CEP290: variants seen among roughly 807,000 people sequenced by gnomAD.
CEP290 encodes the protein centrosomal protein of 290 kDa.
Under a neutral mutation model 344.9 loss-of-function variants are expected in CEP290, and 317 were observed. The ratio of observed to expected loss-of-function variants is 0.92; its 90% CI spans 0.84 to 1.01. The LOEUF is 1.01. Among genes scored for constraint, CEP290 ranks in the 50% least tolerant of loss-of-function variants. CEP290 has a pLI of 0.00. For synonymous variants in CEP290, 932 were observed against 895.8 expected, an observed-to-expected ratio of 1.04 and a Z score of -0.72; for missense variants, 2,754 against 2,761.4, an observed-to-expected ratio of 1.00 and a Z score of 0.06.
At chr12:88,123,983 C>G (rs960516856) in intron 13 of CEP290, among the ~76,000 whole-genome samples, 8 of 151,988 alleles carry the variant, frequency 5.3e-5, no homozygotes, top group Non-Finnish European at 1.2e-4. Context: ...AAAATACATC[C>G]AGAACTGCTG....
intron 5 of CEP290, among the ~76,000 whole-genome samples, chr12:88,137,576 TTCTC>T (rs1457075995): frequency 6.6e-6 from 1 of 152,186 alleles, no homozygotes; most frequent in African/African-American, 2.4e-5. Context: ...TTCTTACTCT[TTCTC>T]TCCTCCAAAA....
At chr12:88,097,492 CTG>C (rs771488656) in intron 26 of CEP290, among the ~76,000 whole-genome samples, 8 of 151,872 alleles carry the variant, frequency 5.3e-5, no homozygotes, top group Non-Finnish European at 8.8e-5. Flanking sequence ...CTCTGTGGAA[CTG>C]TGAGTCAATT....
At chr12:88,072,775 A>C (rs1336502591) in intron 41 of CEP290, among the ~76,000 whole-genome samples, 1 of 152,174 alleles carries the variant, frequency 6.6e-6, no homozygotes, top group Non-Finnish European at 1.5e-5. Flanking sequence ...AGAACAAATG[A>C]ATAAAATCAG....
intron 18 of CEP290, 66 bp downstream of exon 18, chr12:88,116,967 C>T: frequency 2.5e-6 from 2 of 807,866 alleles, no homozygotes; most frequent in South Asian, 1.7e-5. Context: ...GAGCGAGACT[C>T]CGTCTCAAAA....
intron 44 of CEP290, among the ~76,000 whole-genome samples, chr12:88,065,152 A>T (rs965707816): frequency 6.6e-6 from 1 of 152,066 alleles, no homozygotes; most frequent in South Asian, 2.1e-4. Context: ...ATCATAGGAA[A>T]TAATTTTTTT....
At position 88,106,738 on chromosome 12, in the gene CEP290, C is replaced by G. The variant is rs2038307472; in HGVS notation, c.2754G>C (p.Lys918Asn). The change falls in exon 25 of 54, where the codon AAG (lysine) becomes AAC (asparagine). Residue 918 changes from lysine to asparagine, a missense_variant. Transcript: ENST00000552810. Reference protein sequence around the residue: ...RQLRKENEKQKNELLSMEAEV... With the variant: ...RQLRKENEKQNNELLSMEAEV... ...CAGCCTCCATTGACAACAATTCATT[C>G]TTTTGCTTCTCATTTTCTTTTCTAA... The G allele has an allele frequency of 2.5e-6, 4 of 1,611,704 alleles. No individual in the cohort carries two copies. In the South Asian group the frequency reaches 3.3e-5, roughly 13 times the overall value.
chr12:88,136,601 A>C, intron 6 of CEP290, 42 bp downstream of exon 6: 1 of 1,595,306 alleles, frequency 6.3e-7, no homozygotes, highest in Non-Finnish European at 8.6e-7. Flanking sequence ...AAAGCCAGGT[A>C]ACTTGAACAG....
chr12:88,107,376 T>C (rs1230250021), intron 23 of CEP290, among the ~76,000 whole-genome samples: 2 of 152,090 alleles, frequency 1.3e-5, no homozygotes, highest in Non-Finnish European at 2.9e-5. Flanking sequence ...TGAAGCTGAA[T>C]CTTATAAACA....
At chr12:88,118,225 A>T (rs1230598667) in intron 17 of CEP290, among the ~76,000 whole-genome samples, 3 of 151,990 alleles carry the variant, frequency 2.0e-5, no homozygotes, top group Non-Finnish European at 4.4e-5. Context: ...CTTTTCAAAA[A>T]TTCCATAATT....
chr12:88,051,088 ATAC>A (rs1454145505), intron 52 of CEP290, among the ~76,000 whole-genome samples: 2 of 152,026 alleles, frequency 1.3e-5, no homozygotes, highest in Non-Finnish European at 2.9e-5. Context: ...TCTTTATATT[ATAC>A]TACATTTAAT....
chr12:88,065,900 A>G (rs547957021), intron 44 of CEP290, among the ~76,000 whole-genome samples: 43 of 152,210 alleles, frequency 2.8e-4, no homozygotes, highest in Non-Finnish European at 5.4e-4. Context: ...CTCTCTTGTA[A>G]ACAGAATTCT....
intron 15 of CEP290, among the ~76,000 whole-genome samples, chr12:88,119,002 T>C (rs568013243): frequency 1.3e-5 from 2 of 152,332 alleles, no homozygotes; most frequent in African/African-American, 4.8e-5. Flanking sequence ...ACAGAAAATA[T>C]GATGTCTATG....
chr12:88,084,064 G>A lies in CEP290; in HGVS notation c.4705-110C>T, dbSNP rs929808517. On this transcript the variant is annotated intron_variant, in intron 35 of 53. Coordinates refer to ENST00000552810, the MANE Select transcript of CEP290 (RefSeq NM_025114.4). ...ATCTTCTAAAATTCCTTTGAGATGA[G>A]GAAGAAACAGTATCTCCATATATGT... is the stretch of plus-strand genomic sequence containing the variant. The A allele has an allele frequency of 6.9e-5, 47 of 684,026 alleles. No homozygotes were observed. The African/African-American group carries it at 7.1e-4, about 10-fold the overall frequency. The allele number at this position is 684,026 out of a possible 1,614,324, so 42.4% of individuals were successfully genotyped here.
chr12:88,132,356 T>C (rs1348397585), intron 6 of CEP290, among the ~76,000 whole-genome samples: 1 of 152,208 alleles, frequency 6.6e-6, no homozygotes, highest in Non-Finnish European at 1.5e-5. Context: ...ATGTAGTATG[T>C]GATCCTTGAC....
chr12:88,069,181 A>T (rs546394344), intron 43 of CEP290, among the ~76,000 whole-genome samples: 5 of 152,254 alleles, frequency 3.3e-5, no homozygotes, highest in African/African-American at 1.2e-4. Context: ...TTAGGTAAAT[A>T]CAAATCCACT....
rs28636672 is a variant in CEP290, at chr12:88,141,390, T to G, written c.-27-56A>C. On this transcript the variant is annotated intron_variant, in intron 1 of 53. Transcript: ENST00000552810. ...TCAAGGTACACAGTATTATTGGTTT[T>G]CTAGCACCTTACATTTTTTGCAGAT... 3,455 of 814,132 alleles carry G rather than the reference T, an allele frequency of 4.2e-3. 86 individuals are homozygous for G. The African/African-American group carries it at 0.055, about 13-fold the overall frequency. The allele number at this position is 814,132 out of a possible 1,614,324, so 50.4% of individuals were successfully genotyped here.
At chr12:88,114,982 G>A in intron 19 of CEP290, 116 bp downstream of exon 19, 1 of 609,354 alleles carries the variant, frequency 1.6e-6, no homozygotes, top group East Asian at 3.0e-5. Context: ...ACAGTACAGA[G>A]GTAATTAGGA....
intron 42 of CEP290, 103 bp from the exon 43 acceptor site, chr12:88,071,552 A>G (rs1008201769): frequency 8.0e-6 from 8 of 1,003,982 alleles, no homozygotes; most frequent in Non-Finnish European, 1.1e-5. Context: ...AACACCCTAT[A>G]TTTGTCATAA....
chr12:88,063,094 G>A (rs1174766079), intron 45 of CEP290, among the ~76,000 whole-genome samples: 1 of 149,224 alleles, frequency 6.7e-6, no homozygotes, highest in Non-Finnish European at 1.5e-5. Context: ...GCAAATGAAC[G>A]TCTAACATTG....
Sources: gnomAD v4.1 joint callset for allele counts (sites outside exome capture counted in the v4.1 genomes callset) on GRCh38, gnomAD v4.1.1 for gene constraint, MANE v1.5 for transcripts, NCBI Gene and HGNC (gene_info 2026-07-23, HGNC 2026-07-21) for gene names.